Variants in ZNF383 observed in about 807,000 individuals in gnomAD.
The protein encoded by ZNF383 is zinc finger protein 383.
In ZNF383, 32 loss-of-function variants were observed where a neutral mutation model predicts 44.2. That is an observed-to-expected ratio of 0.72 (90% CI 0.55 to 0.97). The LOEUF (loss-of-function observed/expected upper bound fraction) is 0.97, where lower values mean the gene tolerates loss of function less well. Among genes scored for constraint, ZNF383 ranks in the 50% least tolerant of loss-of-function variants. The probability of loss-of-function intolerance (pLI) is 0.00; values close to 1 mark genes in which losing one functional copy is unlikely to be tolerated. For synonymous variants in ZNF383, 155 were observed against 186.2 expected (o/e 0.83, Z 1.36); for missense variants, 487 against 562.5 (o/e 0.87, Z 1.36).
Position 37,236,010 on chromosome 19 carries a change from C to G in ZNF383, c.168C>G (p.Ser56=). Residue 56 remains serine, a synonymous_variant, in exon 5 of 6, where the codon TCC becomes TCG. Coordinates refer to ENST00000684119, the MANE Select transcript of ZNF383 (RefSeq NM_001387601.1). ...GLYTPKPQVI[S]LLEQGKEPWM... ...ACACTCCTAAGCCTCAAGTGATCTC[C>G]TTATTGGAACAAGGGAAAGAGCCCT... is the stretch of plus-strand genomic sequence containing the variant. The G allele has an allele frequency of 6.2e-7, 1 of 1,613,710 alleles. No individual in the cohort carries two copies.
chr19:37,239,821 A>C (rs1432813310), intron 5 of ZNF383, among the ~76,000 whole-genome samples: 2 of 152,172 alleles, frequency 1.3e-5, no homozygotes. Flanking sequence ...AAGACAGAAG[A>C]GGGCAGTTTC....
intron 5 of ZNF383, 24 bp downstream of exon 5, chr19:37,236,098 G>C: frequency 6.3e-7 from 1 of 1,598,826 alleles, no homozygotes; most frequent in Non-Finnish European, 8.6e-7. Flanking sequence ...GACCGGACAG[G>C]AGAAAGTCAC....
chr19:37,222,313 A>G (rs1159915855), intron 1 of ZNF383, among the ~76,000 whole-genome samples: 1 of 152,158 alleles, frequency 6.6e-6, no homozygotes, highest in Non-Finnish European at 1.5e-5. Flanking sequence ...CGTTAGTTAT[A>G]GGTGATATAA....
chr19:37,235,441 A>G, intron 3 of ZNF383, 108 bp from the exon 4 acceptor site: 1 of 1,104,632 alleles, frequency 9.1e-7, no homozygotes. Flanking sequence ...ACAGGTTCTC[A>G]GTGACACCAA....
chr19:37,233,006 A>G (rs972250791), intron 3 of ZNF383, among the ~76,000 whole-genome samples: 6 of 152,130 alleles, frequency 3.9e-5, no homozygotes, highest in Non-Finnish European at 8.8e-5. Context: ...AGGGAAATTC[A>G]TCAAACACAA....
intron 5 of ZNF383, among the ~76,000 whole-genome samples, chr19:37,238,589 C>T (rs901937949): frequency 5.3e-5 from 8 of 151,962 alleles, no homozygotes; most frequent in Non-Finnish European, 1.2e-4. Flanking sequence ...GCCAAGTACT[C>T]GAGTTCAGAG....
intron 3 of ZNF383, among the ~76,000 whole-genome samples, chr19:37,234,199 A>C (rs372741833): frequency 6.6e-6 from 1 of 152,118 alleles, no homozygotes. Context: ...CTCAAGCATT[A>C]GTTGCTAATG....
intron 3 of ZNF383, among the ~76,000 whole-genome samples, chr19:37,234,484 A>G (rs1391010678): frequency 1.3e-5 from 2 of 151,812 alleles, no homozygotes; most frequent in South Asian, 2.1e-4. Flanking sequence ...CGCCTCCCGG[A>G]TTCACGCCAC....
In ZNF383 at chr19:37,247,682, AAAATT is replaced by A. The variant is rs988860057; in HGVS notation, c.*4022_*4026del. ...CCCCTCATCTCTACAGAAAAAAAAAAAAATTAAAACAACAAACTTAAAAGTTGGTA... is the reference window on the plus strand; with the variant it reads ...CCCCTCATCTCTACAGAAAAAAAAAAAAAACAACAAACTTAAAAGTTGGTA... On this transcript the variant is annotated 3_prime_UTR_variant, in exon 6 of 6. Transcript: ENST00000684119. 10 of 152,096 alleles carry A rather than the reference AAAATT, an allele frequency of 6.6e-5. No individual in the cohort carries two copies. Among genetic ancestry groups the A allele is most frequent in the Non-Finnish European group, 1.2e-4 (8 of 68,028 alleles). 9.4% of individuals were successfully genotyped at this position (152,096 alleles called of 1,614,324 possible). A position where few individuals can be genotyped will look rare whatever the true frequency, so the allele number is the denominator to read the frequency against.
intron 3 of ZNF383, among the ~76,000 whole-genome samples, chr19:37,233,921 A>G (rs1057056016): frequency 2.7e-5 from 4 of 149,474 alleles, no homozygotes; most frequent in East Asian, 2.0e-4. Context: ...CTGGAGTGCA[A>G]TGGCGCAATC....
intron 3 of ZNF383, 126 bp downstream of exon 3, chr19:37,230,588 A>G: frequency 2.0e-6 from 2 of 1,007,080 alleles, no homozygotes. Flanking sequence ...CCTTGTCCCC[A>G]TTTTTTCTTA....
At chr19:37,218,588 G>A (rs1568516652) in intron 1 of ZNF383, among the ~76,000 whole-genome samples, 1 of 152,126 alleles carries the variant, frequency 6.6e-6, no homozygotes, top group Non-Finnish European at 1.5e-5. Flanking sequence ...TTTGTGGAGG[G>A]TGTTTGTGTG....
At chr19:37,241,588 C>T (rs1974084720) in intron 5 of ZNF383, among the ~76,000 whole-genome samples, 1 of 152,118 alleles carries the variant, frequency 6.6e-6, no homozygotes. Context: ...CTGTGCCACT[C>T]AATCTCTAGC....
At chr19:37,221,984 A>G (rs554199587) in intron 1 of ZNF383, among the ~76,000 whole-genome samples, 139 of 151,328 alleles carry the variant, frequency 9.2e-4, no homozygotes, top group African/African-American at 3.1e-3. Flanking sequence ...GAAAAAGCAT[A>G]TTCCTTTGAC....
intron 5 of ZNF383, 130 bp from the exon 6 acceptor site, chr19:37,242,338 GA>G: frequency 1.7e-6 from 1 of 581,984 alleles, no homozygotes. Flanking sequence ...AGATAACACA[GA>G]TATCCTTGTG....
At chr19:37,221,964 A>G (rs1972943317) in intron 1 of ZNF383, among the ~76,000 whole-genome samples, 1 of 151,214 alleles carries the variant, frequency 6.6e-6, no homozygotes, top group South Asian at 2.1e-4. Context: ...TCAAAAAAAA[A>G]AAAAAAAAAG....
intron 4 of ZNF383, 73 bp downstream of exon 4, chr19:37,235,748 C>A: frequency 6.7e-7 from 1 of 1,490,180 alleles, no homozygotes; most frequent in Non-Finnish European, 9.0e-7. Context: ...AATTTCTCAG[C>A]TGCTTTTCAG....
Position 37,243,778 on chromosome 19 carries a change from T to C in ZNF383, c.*114T>C, listed in dbSNP as rs1974258506. 2.9e-6 allele frequency: 2 copies of C among 691,140 alleles called. No individual in the cohort carries two copies. The highest frequency in any genetic ancestry group is 4.5e-6 in the Non-Finnish European group (2 of 447,960). 42.8% of individuals were successfully genotyped at this position (691,140 alleles called of 1,614,324 possible). ...TTTGTATTTAAATTTTGTATCCAAA[T>C]GTATTTCATTCCAGGTTATAAATTC... On this transcript the variant is annotated 3_prime_UTR_variant, in exon 6 of 6. Transcript: ENST00000684119.
rs1974402234 is a variant in ZNF383, at chr19:37,247,176, A to G, written c.*3512A>G. On this transcript the variant is annotated 3_prime_UTR_variant, in exon 6 of 6. Transcript: ENST00000684119. ...CTAGGAAGAAAAAATATAGAACCCA[A>G]GGAACTAAAACAAGCTGAAATGAAT... The G allele has an allele frequency of 6.6e-6, 1 of 152,198 alleles. No homozygotes were observed. The highest frequency in any genetic ancestry group is 1.5e-5 in the Non-Finnish European group (1 of 68,036). The allele number at this position is 152,198 out of a possible 1,614,324, so 9.4% of individuals were successfully genotyped here.
Sources: gnomAD v4.1 joint callset for allele counts (sites outside exome capture counted in the v4.1 genomes callset) on GRCh38, gnomAD v4.1.1 for gene constraint, MANE v1.5 for transcripts, NCBI Gene and HGNC (gene_info 2026-07-23, HGNC 2026-07-21) for gene names.